FARP1: variants seen among roughly 807,000 people sequenced by gnomAD.
FARP1 encodes FERM, ARH/RhoGEF and pleckstrin domain protein 1.
In FARP1, 52 loss-of-function variants were observed where a neutral mutation model predicts 128.8. The observed-to-expected ratio is 0.40, with a 90% confidence interval of 0.32 to 0.51. The LOEUF (loss-of-function observed/expected upper bound fraction) is 0.51, where lower values mean the gene tolerates loss of function less well. Ranked by LOEUF, FARP1 falls within the 20% of genes least tolerant of loss-of-function variation. FARP1 has a pLI of 0.45. For synonymous variants in FARP1, 580 were observed against 551.8 expected, an observed-to-expected ratio of 1.05 and a Z score of -0.72; for missense variants, 1,333 against 1,367.9, an observed-to-expected ratio of 0.97 and a Z score of 0.40.
At chr13:98,318,950 GTTTTTTTT>G (rs56166470) in intron 2 of FARP1, among the ~76,000 whole-genome samples, 2 of 120,684 alleles carry the variant, frequency 1.7e-5, no homozygotes, top group African/African-American at 3.2e-5. Context: ...GTTTTTTCTT[GTTTTTTTT>G]TTTTTTTTTT....
At chr13:98,281,567 C>CAT (rs543961177) in intron 2 of FARP1, among the ~76,000 whole-genome samples, 34 of 152,226 alleles carry the variant, frequency 2.2e-4, no homozygotes, top group African/African-American at 7.2e-4. Context: ...TCTACCTTCC[C>CAT]ATACAACAAG....
chr13:98,355,533 G>A (rs886286619), intron 3 of FARP1, among the ~76,000 whole-genome samples: 4 of 152,114 alleles, frequency 2.6e-5, no homozygotes, highest in Admixed American at 6.5e-5. Flanking sequence ...TCTCAGGGCC[G>A]CATCCCAGAT....
At chr13:98,446,928 C>A in intron 26 of FARP1, 111 bp downstream of exon 26, 1 of 1,215,756 alleles carries the variant, frequency 8.2e-7, no homozygotes, top group Non-Finnish European at 1.2e-6. Flanking sequence ...TCCCTGCCAA[C>A]TAAGCGTTTA....
intron 1 of FARP1, among the ~76,000 whole-genome samples, chr13:98,162,699 T>C (rs1876972328): frequency 6.6e-6 from 1 of 152,204 alleles, no homozygotes; most frequent in Admixed American, 6.5e-5. Flanking sequence ...ATTGTTTCTG[T>C]CTCTCTCATG....
intron 2 of FARP1, among the ~76,000 whole-genome samples, chr13:98,284,725 T>A (rs1406386027): frequency 6.6e-6 from 1 of 152,202 alleles, no homozygotes; most frequent in African/African-American, 2.4e-5. Context: ...GTTTCTACTC[T>A]CAGTGAGTTG....
chr13:98,148,971 C>T (rs1875775807), intron 1 of FARP1, among the ~76,000 whole-genome samples: 1 of 151,958 alleles, frequency 6.6e-6, no homozygotes, highest in African/African-American at 2.4e-5. Context: ...ACTGCAGCCT[C>T]AACTTCCTGG....
intron 24 of FARP1, among the ~76,000 whole-genome samples, chr13:98,441,505 AAGG>A (rs1892523154): frequency 6.6e-6 from 1 of 152,186 alleles, no homozygotes; most frequent in African/African-American, 2.4e-5. Context: ...AGGAGGGCGA[AAGG>A]AGCCCCGCAG....
rs67814587 is a variant in FARP1, at chr13:98,351,610, TA to T, written c.276+7760del. On this transcript the variant is annotated intron_variant, in intron 3 of 26. Transcript: ENST00000319562. ...CTGGGCAACAAAGCAAGACTCCATC[TA>T]AAAAAAAAAAAAAAAGAAAGAAAAA... Among the ~76,000 whole-genome samples the T allele has an allele frequency of 3.9e-3, 486 of 124,546 alleles. 1 individual carries two copies. Among genetic ancestry groups the T allele is most frequent in the Middle Eastern group, 4.1e-3 (1 of 242 alleles). 81.7% of individuals were successfully genotyped at this position (124,546 alleles called of 152,430 possible). A position where few individuals can be genotyped will look rare whatever the true frequency, so the allele number is the denominator to read the frequency against.
At chr13:98,404,019 T>TCACCACCACCACCACCACCAC in intron 13 of FARP1, 1 of 135,436 alleles carries the variant, frequency 7.4e-6, no homozygotes, top group Middle Eastern at 3.8e-3. Context: ...ACCACCACCA[T>TCACCACCACCACCACCACCAC]CACCACCACC....
intron 1 of FARP1, among the ~76,000 whole-genome samples, chr13:98,181,837 A>G (rs965909544): frequency 6.6e-6 from 1 of 152,066 alleles, no homozygotes; most frequent in African/African-American, 2.4e-5. Flanking sequence ...AGAACTTGCC[A>G]TGGTCATGGG....
At chr13:98,165,972 G>C in intron 1 of FARP1, among the ~76,000 whole-genome samples, 1 of 151,882 alleles carries the variant, frequency 6.6e-6, no homozygotes, top group Admixed American at 6.6e-5. Context: ...CACCTGCCTT[G>C]GCCTCCCAAA....
intron 2 of FARP1, among the ~76,000 whole-genome samples, chr13:98,325,997 T>C (rs1413355136): frequency 6.6e-6 from 1 of 152,262 alleles, no homozygotes; most frequent in Non-Finnish European, 1.5e-5. Flanking sequence ...AAAATGGAGC[T>C]GTTAATGATA....
intron 1 of FARP1, among the ~76,000 whole-genome samples, chr13:98,164,490 C>A (rs985703248): frequency 3.3e-5 from 5 of 152,188 alleles, no homozygotes; most frequent in African/African-American, 1.2e-4. Flanking sequence ...AATCCCTTGG[C>A]TTAAGATTCT....
chr13:98,431,928 G>C (rs546108441), intron 18 of FARP1: 1 of 152,202 alleles, frequency 6.6e-6, no homozygotes, highest in Non-Finnish European at 1.5e-5. Context: ...TTCTACCCAC[G>C]TGACGGAAAC....
intron 4 of FARP1, among the ~76,000 whole-genome samples, chr13:98,366,319 G>A (rs142176241): frequency 6.6e-6 from 1 of 152,324 alleles, no homozygotes; most frequent in Non-Finnish European, 1.5e-5. Flanking sequence ...TGAAATTGAT[G>A]TTGATCATCT....
intron 2 of FARP1, among the ~76,000 whole-genome samples, chr13:98,320,514 A>G (rs1279680137): frequency 6.6e-6 from 1 of 152,184 alleles, no homozygotes; most frequent in East Asian, 1.9e-4. Context: ...CTTTATCCCT[A>G]GCAGCAGATA....
intron 1 of FARP1, among the ~76,000 whole-genome samples, chr13:98,159,150 G>C (rs1482917138): frequency 1.3e-5 from 2 of 152,208 alleles, no homozygotes; most frequent in Non-Finnish European, 2.9e-5. Context: ...TTGGAATCGT[G>C]CTCCTTGATG....
chr13:98,143,631 C>A lies in FARP1; in HGVS notation c.-24+139C>A, dbSNP rs1180012913. ...GCGGGCGAAGGTGGGCGCGTGGTCCCCGAGGTCCTGCCCTGCGCAGTCGGG... is the reference window on the plus strand; with the variant it reads ...GCGGGCGAAGGTGGGCGCGTGGTCCACGAGGTCCTGCCCTGCGCAGTCGGG... On this transcript the variant is annotated intron_variant, in intron 1 of 26. Coordinates refer to ENST00000319562, the MANE Select transcript of FARP1 (RefSeq NM_005766.4). 9.3e-5 allele frequency: 14 copies of A among 151,122 alleles called. No homozygotes were observed. The East Asian group carries it at 2.7e-3, about 29-fold the overall frequency. 9.4% of individuals were successfully genotyped at this position (151,122 alleles called of 1,614,324 possible). A position where few individuals can be genotyped will look rare whatever the true frequency, so the allele number is the denominator to read the frequency against.
chr13:98,153,430 T>C (rs1876209369), intron 1 of FARP1, among the ~76,000 whole-genome samples: 2 of 138,058 alleles, frequency 1.4e-5, no homozygotes, highest in African/African-American at 5.2e-5. Context: ...TGTAACACAT[T>C]ATATATAAAT....
Sources: allele counts gnomAD v4.1 joint callset (sites outside exome capture counted in the v4.1 genomes callset), GRCh38; gene constraint gnomAD v4.1.1; transcripts MANE v1.5; gene names NCBI Gene and HGNC (gene_info 2026-07-23, HGNC 2026-07-21).